TRIO: variants seen among roughly 807,000 people sequenced by gnomAD.
TRIO encodes the protein trio Rho guanine nucleotide exchange factor.
A neutral mutation model predicts 351.9 loss-of-function variants in TRIO; 58 were observed. That is an observed-to-expected ratio of 0.16 (90% CI 0.13 to 0.21). TRIO has a LOEUF of 0.21. Among genes scored for constraint, TRIO ranks in the 10% least tolerant of loss-of-function variants. The pLI is 1.00. For missense variants in TRIO, 3,201 were observed against 4,027.8 expected (o/e 0.79, Z 5.56); for synonymous variants, 1,758 against 1,595.7 (o/e 1.10, Z -2.42).
At chr5:14,340,399 A>G (rs1293311289) in intron 11 of TRIO, among the ~76,000 whole-genome samples, 2 of 135,094 alleles carry the variant, frequency 1.5e-5, no homozygotes, top group Non-Finnish European at 3.3e-5. Context: ...TCCGTCTGGA[A>G]AAAAAAAAAA....
chr5:14,406,489 G>T, intron 32 of TRIO, 84 bp from the exon 33 acceptor site: 2 of 1,319,482 alleles, frequency 1.5e-6, no homozygotes, highest in Non-Finnish European at 1.1e-6. Flanking sequence ...AGGCTGATAT[G>T]CACCTCATTA....
intron 1 of TRIO, among the ~76,000 whole-genome samples, chr5:14,246,164 C>T (rs1240083713): frequency 6.6e-6 from 1 of 152,134 alleles, no homozygotes; most frequent in Non-Finnish European, 1.5e-5. Flanking sequence ...CAATTTAAAT[C>T]AGAAGGTGAA....
Position 14,481,582 on chromosome 5 carries a change from C to A in TRIO, c.6429C>A (p.Asn2143Lys). The A allele has an allele frequency of 6.2e-7, 1 of 1,614,014 alleles. No individual in the cohort carries two copies. The highest frequency in any genetic ancestry group is 2.2e-5 in the East Asian group (1 of 44,874). Residue 2143 changes from asparagine to lysine, a missense_variant, in exon 45 of 57, where the codon AAC (asparagine) becomes AAA (lysine). Physicochemically the swap from Asn to Lys is moderately conservative, Grantham distance 94. Around this residue, in one of 19 missense-constraint regions of TRIO, gnomAD observed 307 missense variants for 396.5 expected, o/e 0.77. Transcript: ENST00000344204. Reference sequence around the variant, plus strand: ...TGTGCATAGTACCCAGGCGGTGCAACGACATGATGAACGTGGGGCGGCTGC... The same window carrying A: ...TGTGCATAGTACCCAGGCGGTGCAAAGACATGATGAACGTGGGGCGGCTGC... ...EVMCIVPRRCNDMMNVGRLQG... is the reference protein window; with the variant it reads ...EVMCIVPRRCKDMMNVGRLQG...
At position 14,282,506 on chromosome 5, in the gene TRIO, C is replaced by T. The variant is rs1350621362; in HGVS notation, c.347+2070C>T. Among the ~76,000 whole-genome samples, 3 of 151,914 alleles carry T rather than the reference C, an allele frequency of 2.0e-5. No homozygotes were observed. In the East Asian group the frequency reaches 5.8e-4, roughly 29 times the overall value. On this transcript the variant is annotated intron_variant, in intron 3 of 56. Transcript: ENST00000344204. ...TTAATAGTAAATATTAAAAATTATTCATTTAATTGATATAGAAATTGGTTC... is the reference window on the plus strand; with the variant it reads ...TTAATAGTAAATATTAAAAATTATTTATTTAATTGATATAGAAATTGGTTC...
At position 14,364,538 on chromosome 5, in the gene TRIO, G is replaced by T. The variant is rs1579438433; in HGVS notation, c.2588-112G>T. 1.3e-4 allele frequency: 180 copies of T among 1,334,406 alleles called. No individual in the cohort carries two copies. Among genetic ancestry groups the T allele is most frequent in the East Asian group, 4.1e-4 (17 of 41,606 alleles). 82.7% of individuals were successfully genotyped at this position (1,334,406 alleles called of 1,614,324 possible). ...AACTTGCCCTTCAGCATAATGGCTTGGCCCCCAGCTGGGCAGATCATTCAC... is the reference window on the plus strand; with the variant it reads ...AACTTGCCCTTCAGCATAATGGCTTTGCCCCCAGCTGGGCAGATCATTCAC... On this transcript the variant is annotated intron_variant, in intron 14 of 56. Coordinates refer to ENST00000344204, the MANE Select transcript of TRIO (RefSeq NM_007118.4).
chr5:14,391,652 C>T (rs1747091841), intron 27 of TRIO, among the ~76,000 whole-genome samples: 1 of 152,184 alleles, frequency 6.6e-6, no homozygotes, highest in Non-Finnish European at 1.5e-5. Flanking sequence ...AAATATGTGC[C>T]AATACATTTT....
At chr5:14,385,095 A>G (rs1561423375) in intron 21 of TRIO, among the ~76,000 whole-genome samples, 2 of 152,232 alleles carry the variant, frequency 1.3e-5, no homozygotes, top group Non-Finnish European at 2.9e-5. Flanking sequence ...GGTGGACCCC[A>G]TGCTGCGTGG....
intron 11 of TRIO, among the ~76,000 whole-genome samples, chr5:14,339,679 G>A (rs1741760053): frequency 6.6e-6 from 1 of 152,198 alleles, no homozygotes; most frequent in African/African-American, 2.4e-5. Context: ...CGTGTGATTG[G>A]CATTCAAGGA....
At chr5:14,198,957 G>C (rs1469006004) in intron 1 of TRIO, among the ~76,000 whole-genome samples, 4 of 152,026 alleles carry the variant, frequency 2.6e-5, no homozygotes, top group African/African-American at 9.7e-5. Flanking sequence ...TACCTCTTGG[G>C]CCGGGTGCGG....
chr5:14,293,153 C>T lies in TRIO; in HGVS notation c.1176+19C>T. The T allele has an allele frequency of 6.2e-7, 1 of 1,613,888 alleles. No individual in the cohort carries two copies. Among genetic ancestry groups the T allele is most frequent in the African/African-American group, 1.3e-5 (1 of 75,030 alleles). On this transcript the variant is annotated intron_variant, in intron 6 of 56. Coordinates refer to ENST00000344204, the MANE Select transcript of TRIO (RefSeq NM_007118.4). Reference sequence around the variant, plus strand: ...CTGTATGGTAAGACACTCGGAACAGCTGGACCCTGGCATGTGACAGTGTTT... The same window carrying T: ...CTGTATGGTAAGACACTCGGAACAGTTGGACCCTGGCATGTGACAGTGTTT...
chr5:14,209,649 C>T lies in TRIO; in HGVS notation c.158-61176C>T, dbSNP rs373620361. On this transcript the variant is annotated intron_variant, in intron 1 of 56. Transcript: ENST00000344204. ...CAGACACCCTGTTAGCTGGATCTCTCGAGCAGCGGTTGTTAGTTGAGCTCC... is the reference window on the plus strand; with the variant it reads ...CAGACACCCTGTTAGCTGGATCTCTTGAGCAGCGGTTGTTAGTTGAGCTCC... 5.9e-5 allele frequency among the ~76,000 whole-genome samples: 9 copies of T among 152,292 alleles called. No individual in the cohort carries two copies. The South Asian group carries it at 1.9e-3, about 32-fold the overall frequency.
intron 13 of TRIO, among the ~76,000 whole-genome samples, chr5:14,362,144 C>G (rs571583299): frequency 6.6e-6 from 1 of 152,108 alleles, no homozygotes; most frequent in Non-Finnish European, 1.5e-5. Flanking sequence ...AAAGCTATAC[C>G]GAAGCACAGA....
At chr5:14,305,088 CTG>C (rs1738243366) in intron 8 of TRIO, among the ~76,000 whole-genome samples, 1 of 152,196 alleles carries the variant, frequency 6.6e-6, no homozygotes, top group Admixed American at 6.5e-5. Context: ...CTATGCCAGA[CTG>C]TATTGTAAGG....
intron 53 of TRIO, among the ~76,000 whole-genome samples, chr5:14,500,732 C>CA (rs1382192311): frequency 6.6e-6 from 1 of 151,854 alleles, no homozygotes; most frequent in Non-Finnish European, 1.5e-5. Context: ...TACAAAAATA[C>CA]AAAAAATTAG....
chr5:14,476,357 G>A lies in TRIO; in HGVS notation c.6084-537G>A, dbSNP rs531010905. 6.6e-5 allele frequency among the ~76,000 whole-genome samples: 10 copies of A among 152,298 alleles called. No individual in the cohort carries two copies. The South Asian group carries it at 8.3e-4, about 13-fold the overall frequency. Reference sequence around the variant, plus strand: ...GTCACCAGCCAAGGGATATACAGTCGTGCCTCATCTTCTGTGCCTTTGTAT... The same window carrying A: ...GTCACCAGCCAAGGGATATACAGTCATGCCTCATCTTCTGTGCCTTTGTAT... On this transcript the variant is annotated intron_variant, in intron 40 of 56. Coordinates refer to ENST00000344204, the MANE Select transcript of TRIO (RefSeq NM_007118.4).
At position 14,488,107 on chromosome 5, in the gene TRIO, C is replaced by G. The variant is rs777155345; in HGVS notation, c.7479C>G (p.Pro2493=). 29 of 1,609,612 alleles carry G rather than the reference C, an allele frequency of 1.8e-5. No homozygotes were observed. Among genetic ancestry groups the G allele is most frequent in the Middle Eastern group, 1.7e-4 (1 of 6,032 alleles). The stretch of plus-strand genomic sequence containing the variant: ...TCTGGAGCTCCATCCCCGCCTCCCC[C>G]GCCAGCCGACCCGGCTCCTTCACCT... ...GSFWSSIPAS[P]ASRPGSFTFP... is the part of the protein sequence containing the mutation. The change falls in exon 48 of 57, where the codon CCC becomes CCG. Residue 2493 remains proline (P), a synonymous_variant. Transcript: ENST00000344204.
chr5:14,387,404 T>A, intron 21 of TRIO, 34 bp from the exon 22 acceptor site: 1 of 1,563,582 alleles, frequency 6.4e-7, no homozygotes, highest in Non-Finnish European at 8.7e-7. Context: ...TCGGATTCAT[T>A]TGCCTCACAA....
intron 2 of TRIO, among the ~76,000 whole-genome samples, chr5:14,271,898 T>G (rs697559): frequency 0.11 from 16,036 of 152,262 alleles, 1,466 homozygotes; most frequent in African/African-American, 0.25. Context: ...CTAATCTTGT[T>G]TTGCTTCATG....
intron 11 of TRIO, among the ~76,000 whole-genome samples, chr5:14,355,422 T>C (rs554130086): frequency 1.5e-4 from 23 of 152,358 alleles, no homozygotes; most frequent in Non-Finnish European, 2.6e-4. Context: ...TCCTCTTTCA[T>C]CTGCTCCTCG....
Sources: gnomAD v4.1 joint callset for allele counts (sites outside exome capture counted in the v4.1 genomes callset) on GRCh38, gnomAD v4.1.1 for gene constraint, gnomAD v4.1.1 regional missense constraint, MANE v1.5 for transcripts, NCBI Gene and HGNC (gene_info 2026-07-23, HGNC 2026-07-21) for gene names.